CPNE8: variants seen among roughly 807,000 people sequenced by gnomAD.
CPNE8 encodes the protein copine 8.
Under a neutral mutation model 81.5 loss-of-function variants are expected in CPNE8, and 45 were observed. The ratio of observed to expected loss-of-function variants is 0.55; its 90% confidence interval spans 0.44 to 0.71. CPNE8 has a LOEUF of 0.71. Ranked by LOEUF, CPNE8 falls within the 30% of genes least tolerant of loss-of-function variation. The pLI, the probability that CPNE8 is intolerant of heterozygous loss-of-function variation, is 0.00. For synonymous variants in CPNE8, 252 were observed against 226.3 expected (o/e 1.11, Z -1.02); for missense variants, 594 against 672.1 (o/e 0.88, Z 1.28).
intron 14 of CPNE8, among the ~76,000 whole-genome samples, chr12:38,695,233 T>G (rs1017307244): frequency 6.6e-6 from 1 of 152,200 alleles, no homozygotes; most frequent in Non-Finnish European, 1.5e-5. Flanking sequence ...CCAAGGAGTA[T>G]CTTTCTCAAG....
At chr12:38,662,103 AG>A (rs1305900116) in intron 19 of CPNE8, among the ~76,000 whole-genome samples, 2 of 152,174 alleles carry the variant, frequency 1.3e-5, no homozygotes, top group African/African-American at 2.4e-5. Context: ...AACAAGAGAA[AG>A]ATGCCCATTT....
At chr12:38,895,987 A>G (rs1045669778) in intron 1 of CPNE8, among the ~76,000 whole-genome samples, 2 of 152,088 alleles carry the variant, frequency 1.3e-5, no homozygotes, top group Admixed American at 6.6e-5. Context: ...ACAGGACATA[A>G]CATCACCTCT....
intron 11 of CPNE8, among the ~76,000 whole-genome samples, chr12:38,729,587 A>G (rs1338294052): frequency 6.6e-6 from 1 of 152,058 alleles, no homozygotes; most frequent in Non-Finnish European, 1.5e-5. Flanking sequence ...TCTACTTAAC[A>G]GAGGCCAATT....
intron 16 of CPNE8, chr12:38,679,432 A>T (rs533730339): frequency 2.9e-6 from 1 of 344,822 alleles, no homozygotes; most frequent in East Asian, 1.7e-4. Context: ...AAATTCATAG[A>T]AATTTTATAC....
At chr12:38,799,152 T>C (rs367791416) in intron 6 of CPNE8, among the ~76,000 whole-genome samples, 1 of 152,136 alleles carries the variant, frequency 6.6e-6, no homozygotes, top group East Asian at 1.9e-4. Flanking sequence ...AGACAGAAAG[T>C]TAACAAGCAT....
chr12:38,727,895 C>T (rs147243083), intron 11 of CPNE8, among the ~76,000 whole-genome samples: 33 of 152,294 alleles, frequency 2.2e-4, no homozygotes, highest in Non-Finnish European at 3.7e-4. Flanking sequence ...GCTCAAACAA[C>T]AAGTGAAAGC....
intron 7 of CPNE8, among the ~76,000 whole-genome samples, chr12:38,770,401 A>G (rs1275120435): frequency 6.6e-6 from 1 of 152,176 alleles, no homozygotes; most frequent in African/African-American, 2.4e-5. Context: ...CCACCACCTC[A>G]GTCCAGTTCA....
intron 6 of CPNE8, among the ~76,000 whole-genome samples, chr12:38,820,569 T>C (rs76489001): frequency 0.046 from 6,929 of 152,242 alleles, 365 homozygotes; most frequent in African/African-American, 0.12. Context: ...AACCTGTTTA[T>C]TAGCTTTATT....
intron 6 of CPNE8, among the ~76,000 whole-genome samples, chr12:38,785,356 A>G (rs1942158227): frequency 6.6e-6 from 1 of 150,558 alleles, no homozygotes; most frequent in Non-Finnish European, 1.5e-5. Context: ...AAATTAACCA[A>G]TAAAAAAAAA....
intron 3 of CPNE8, among the ~76,000 whole-genome samples, chr12:38,859,447 GA>G (rs376423317): frequency 5.2e-4 from 79 of 152,066 alleles, no homozygotes; most frequent in African/African-American, 1.9e-3. Flanking sequence ...CAAAAAAATG[GA>G]AAAACCTCCA....
intron 7 of CPNE8, among the ~76,000 whole-genome samples, chr12:38,770,510 T>C (rs144616533): frequency 1.4e-4 from 22 of 152,342 alleles, no homozygotes; most frequent in Admixed American, 1.4e-3. Flanking sequence ...GCAGACAGAA[T>C]AAAAGTCTTG....
intron 3 of CPNE8, among the ~76,000 whole-genome samples, chr12:38,870,092 C>T (rs1350032704): frequency 6.6e-6 from 1 of 152,172 alleles, no homozygotes; most frequent in African/African-American, 2.4e-5. Context: ...ATAGCAAGGG[C>T]TGTGTAGCCA....
intron 5 of CPNE8, among the ~76,000 whole-genome samples, chr12:38,833,688 C>T (rs1351219494): frequency 1.3e-5 from 2 of 151,926 alleles, no homozygotes; most frequent in Non-Finnish European, 2.9e-5. Context: ...CCGTGTTAGC[C>T]AGGATGGTCT....
At chr12:38,802,666 A>T (rs1014914190) in intron 6 of CPNE8, among the ~76,000 whole-genome samples, 8 of 151,958 alleles carry the variant, frequency 5.3e-5, no homozygotes, top group African/African-American at 1.9e-4. Context: ...ATCAGAGCAG[A>T]ACTGAAGGAA....
chr12:38,803,057 C>T (rs1206911188), intron 6 of CPNE8, among the ~76,000 whole-genome samples: 1 of 59,278 alleles, frequency 1.7e-5, no homozygotes, highest in Non-Finnish European at 3.4e-5. Context: ...GATGGATTCA[C>T]AGCCGAATTC....
chr12:38,848,495 C>T (rs755664899), intron 4 of CPNE8, 64 bp downstream of exon 4: 50 of 1,485,958 alleles, frequency 3.4e-5, no homozygotes, highest in Non-Finnish European at 4.4e-5. Flanking sequence ...AGGACCCTGC[C>T]TTACATTAGT....
At chr12:38,728,154 T>TCAA (rs1170963535) in intron 11 of CPNE8, among the ~76,000 whole-genome samples, 1 of 152,072 alleles carries the variant, frequency 6.6e-6, no homozygotes. Flanking sequence ...TTTCCAGCAT[T>TCAA]CAACAACAAC....
intron 10 of CPNE8, among the ~76,000 whole-genome samples, chr12:38,732,386 T>C (rs1180110915): frequency 6.6e-6 from 1 of 151,948 alleles, no homozygotes; most frequent in Non-Finnish European, 1.5e-5. Flanking sequence ...AACTACACAT[T>C]GACTTGCCTG....
At chr12:38,736,329 T>A (rs191224309) in intron 10 of CPNE8, among the ~76,000 whole-genome samples, 16 of 151,786 alleles carry the variant, frequency 1.1e-4, no homozygotes, top group Admixed American at 9.9e-4. Flanking sequence ...TATTTTCACC[T>A]CTTGATTATA....
Sources: gnomAD v4.1 joint callset for allele counts (sites outside exome capture counted in the v4.1 genomes callset) on GRCh38, gnomAD v4.1.1 for gene constraint, MANE v1.5 for transcripts, NCBI Gene and HGNC (gene_info 2026-07-23, HGNC 2026-07-21) for gene names.